The following UPK1B variants were observed in gnomAD, a reference collection of about 807,000 sequenced individuals.
UPK1B encodes uroplakin-1b.
UPK1B carries 28 observed loss-of-function variants against 34.2 expected under a neutral mutation model. That is an observed-to-expected ratio of 0.82 (90% CI 0.61 to 1.12). UPK1B has a LOEUF of 1.12. Among genes scored for constraint, UPK1B ranks in the 50% most tolerant of loss-of-function variants. The pLI is 0.00. For synonymous variants in UPK1B, 81 were observed against 110.4 expected, an observed-to-expected ratio of 0.73 and a Z score of 1.67; for missense variants, 325 against 320.9, an observed-to-expected ratio of 1.01 and a Z score of -0.10.
intron 6 of UPK1B, among the ~76,000 whole-genome samples, chr3:119,197,272 C>A (rs2078071562): frequency 6.6e-6 from 1 of 151,970 alleles, no homozygotes. Flanking sequence ...GATCACTATA[C>A]CTCAAAAATG....
intron 1 of UPK1B, among the ~76,000 whole-genome samples, chr3:119,182,721 A>T (rs1233902844): frequency 1.3e-5 from 2 of 152,188 alleles, no homozygotes; most frequent in Non-Finnish European, 2.9e-5. Flanking sequence ...CTCCCTCTTG[A>T]CATCTGTGGC....
At chr3:119,190,905 G>T in intron 4 of UPK1B, 77 bp from the exon 5 acceptor site, 2 of 1,578,788 alleles carry the variant, frequency 1.3e-6, no homozygotes, top group African/African-American at 1.3e-5. Flanking sequence ...CCCAGGAAAA[G>T]ACAGAGAAAA....
chr3:119,178,344 G>T (rs760389641), intron 1 of UPK1B, among the ~76,000 whole-genome samples: 1 of 152,228 alleles, frequency 6.6e-6, no homozygotes, highest in Admixed American at 6.5e-5. Context: ...GATGAACCTG[G>T]CAATAGGAAG....
intron 5 of UPK1B, among the ~76,000 whole-genome samples, chr3:119,192,929 G>A (rs2078050506): frequency 1.3e-5 from 1 of 74,946 alleles, no homozygotes; most frequent in African/African-American, 5.6e-5. Flanking sequence ...TCTCAGAAGA[G>A]ATGCCTACAC....
intron 6 of UPK1B, among the ~76,000 whole-genome samples, chr3:119,198,125 T>A: frequency 8.2e-6 from 1 of 121,930 alleles, no homozygotes; most frequent in African/African-American, 3.2e-5. Context: ...GGAAGGATCC[T>A]TCTTAGGAAA....
At chr3:119,194,547 T>C (rs2078058236) in intron 6 of UPK1B, 149 bp downstream of exon 6, 3 of 794,144 alleles carry the variant, frequency 3.8e-6, no homozygotes, top group African/African-American at 1.8e-5. Context: ...TCTCTGTTAA[T>C]AAACTGCAAA....
At chr3:119,185,783 G>A (rs1295445504) in intron 1 of UPK1B, among the ~76,000 whole-genome samples, 1 of 152,180 alleles carries the variant, frequency 6.6e-6, no homozygotes, top group East Asian at 1.9e-4. Flanking sequence ...TTTTCTCAAG[G>A]TGCTTCAAGT....
chr3:119,187,929 T>C lies in UPK1B; in HGVS notation c.224T>C (p.Leu75Pro). 2 of 1,614,150 alleles carry C rather than the reference T, an allele frequency of 1.2e-6. No individual in the cohort carries two copies. Among genetic ancestry groups the C allele is most frequent in the South Asian group, 2.2e-5 (2 of 91,076 alleles). The change falls in exon 3 of 8, where the codon CTA becomes CCA. Residue 75 changes from leucine (L) to proline (P), a missense_variant. Transcript: ENST00000264234. ...ATCTGCCTCTTCTGCCTGTCTGTTC[T>C]AGGCATTGTAGGCATCATGAAGTCC... ...VGICLFCLSV[L>P]GIVGIMKSSR...
At chr3:119,181,377 A>C (rs891837854) in intron 1 of UPK1B, among the ~76,000 whole-genome samples, 1 of 152,242 alleles carries the variant, frequency 6.6e-6, no homozygotes, top group African/African-American at 2.4e-5. Flanking sequence ...TATTAGCTCT[A>C]GTCTGTCTCC....
chr3:119,180,057 C>G (rs563594468), intron 1 of UPK1B, among the ~76,000 whole-genome samples: 11 of 152,064 alleles, frequency 7.2e-5, no homozygotes, highest in Admixed American at 2.0e-4. Context: ...CTCAGGTGAT[C>G]TGCCCACCTC....
chr3:119,203,983 A>C lies in UPK1B; in HGVS notation c.*16A>C, dbSNP rs1269538120. The C allele has an allele frequency of 1.2e-6, 2 of 1,613,532 alleles. No individual in the cohort carries two copies. On this transcript the variant is annotated 3_prime_UTR_variant, in exon 8 of 8. Transcript: ENST00000264234. ...TGAATATTAAGCATAAAGTGTTGCC[A>C]CCATACCTCCTTCCCCGAGTGACTC... is the stretch of plus-strand genomic sequence containing the variant.
chr3:119,203,114 G>T (rs924032614), intron 7 of UPK1B, among the ~76,000 whole-genome samples: 1 of 152,074 alleles, frequency 6.6e-6, no homozygotes, highest in Non-Finnish European at 1.5e-5. Context: ...AGGCCGAGAC[G>T]GGCAAATCAC....
chr3:119,186,069 G>A (rs16829413), intron 1 of UPK1B, among the ~76,000 whole-genome samples: 16,260 of 152,130 alleles, frequency 0.11, 1,039 homozygotes, highest in African/African-American at 0.17. Flanking sequence ...GAGCCTCCTC[G>A]CCTTTCTTCT....
chr3:119,201,339 GT>G (rs1321625239), intron 7 of UPK1B, among the ~76,000 whole-genome samples: 2 of 152,146 alleles, frequency 1.3e-5, no homozygotes, highest in African/African-American at 4.8e-5. Flanking sequence ...AGCAAAAGAG[GT>G]TTAATAGACT....
rs200008599 is a variant in UPK1B at position 119,179,382 on chromosome 3, T to G, written c.-29+5744T>G. ...ATATATATATATATATATATATATA[T>G]ATATATATATATATATTAATTCTAA... On this transcript the variant is annotated intron_variant, in intron 1 of 7. Transcript: ENST00000264234. 3.9e-4 allele frequency among the ~76,000 whole-genome samples: 32 copies of G among 82,950 alleles called. No homozygotes were observed. In the South Asian group the frequency reaches 5.4e-3, roughly 14 times the overall value. 54.4% of individuals were successfully genotyped at this position (82,950 alleles called of 152,430 possible).
At chr3:119,188,264 C>G (rs1379507630) in intron 3 of UPK1B, among the ~76,000 whole-genome samples, 1 of 152,136 alleles carries the variant, frequency 6.6e-6, no homozygotes, top group African/African-American at 2.4e-5. Flanking sequence ...TCTGCATACA[C>G]CCAGTAGGTA....
chr3:119,191,383 T>C (rs1199890788), intron 5 of UPK1B, among the ~76,000 whole-genome samples: 1 of 152,218 alleles, frequency 6.6e-6, no homozygotes, highest in Non-Finnish European at 1.5e-5. Flanking sequence ...TCACAACTCC[T>C]GTGAGCTAGT....
chr3:119,179,920 T>C (rs901001553), intron 1 of UPK1B, among the ~76,000 whole-genome samples: 2 of 141,476 alleles, frequency 1.4e-5, no homozygotes, highest in African/African-American at 5.3e-5. Flanking sequence ...CGCCTCAGCC[T>C]CCTGAGTAGC....
chr3:119,178,124 G>C (rs1222063017), intron 1 of UPK1B, among the ~76,000 whole-genome samples: 2 of 152,198 alleles, frequency 1.3e-5, no homozygotes, highest in Non-Finnish European at 2.9e-5. Context: ...TGGCAGGCAG[G>C]CCATTTAGAA....
Sources: allele counts gnomAD v4.1 joint callset (sites outside exome capture counted in the v4.1 genomes callset), GRCh38; gene constraint gnomAD v4.1.1; transcripts MANE v1.5; gene names NCBI Gene and HGNC (gene_info 2026-07-23, HGNC 2026-07-21).